The following MDGA2 variants were observed in gnomAD, a reference collection of about 807,000 sequenced individuals.
MDGA2 encodes MAM domain-containing glycosylphosphatidylinositol anchor protein 2.
A neutral mutation model predicts 117.8 loss-of-function variants in MDGA2; 40 were observed. The ratio of observed to expected loss-of-function variants is 0.34; its 90% CI spans 0.26 to 0.44. The LOEUF (loss-of-function observed/expected upper bound fraction) is 0.44. Ranked by LOEUF, MDGA2 falls within the 20% of genes least tolerant of loss-of-function variation. The pLI is 1.00. For synonymous variants in MDGA2, 452 were observed against 439.0 expected (o/e 1.03, Z -0.37); for missense variants, 1,123 against 1,250.6 (o/e 0.90, Z 1.54).
chr14:47,155,739 G>A (rs1883342195), intron 3 of MDGA2, among the ~76,000 whole-genome samples: 1 of 152,050 alleles, frequency 6.6e-6, no homozygotes, highest in South Asian at 2.1e-4. Context: ...AGGCCGAGAG[G>A]GCAAAACAAA....
At chr14:46,997,926 A>G (rs1001288661) in intron 8 of MDGA2, among the ~76,000 whole-genome samples, 2 of 152,192 alleles carry the variant, frequency 1.3e-5, no homozygotes, top group Non-Finnish European at 2.9e-5. Flanking sequence ...AAAATCATCA[A>G]CAATCAAAAC....
intron 3 of MDGA2, among the ~76,000 whole-genome samples, chr14:47,192,118 A>G (rs968066010): frequency 1.4e-4 from 22 of 152,230 alleles, no homozygotes; most frequent in African/African-American, 5.1e-4. Context: ...CAAGGCAACG[A>G]CAATTGCAGT....
intron 1 of MDGA2, among the ~76,000 whole-genome samples, chr14:47,670,535 A>G (rs948431009): frequency 1.3e-5 from 2 of 152,190 alleles, no homozygotes; most frequent in Admixed American, 1.3e-4. Context: ...CAAATGACTT[A>G]CTACCATACA....
rs571477255 is a variant in MDGA2 at position 46,952,168 on chromosome 14, A to G, written c.2089+5206T>C. Among the ~76,000 whole-genome samples, 5 of 152,054 alleles carry G rather than the reference A, an allele frequency of 3.3e-5. No homozygotes were observed. The East Asian group carries it at 9.7e-4, about 29-fold the overall frequency. On this transcript the variant is annotated intron_variant, in intron 9 of 16. Coordinates refer to ENST00000399232, the MANE Select transcript of MDGA2 (RefSeq NM_001113498.3). ...ATAAATGCAATTTAATCTTCTTAAA[A>G]TAAAATCTATACCCACAACATTAAT...
chr14:46,920,151 T>C lies in MDGA2; in HGVS notation c.2099A>G (p.Tyr700Cys), dbSNP rs763262386. The change falls in exon 10 of 17, where the codon TAT becomes TGT. Residue 700 changes from tyrosine to cysteine, a missense_variant. Physicochemically the swap from Tyr to Cys is radical, Grantham distance 194. This residue lies in a region of MDGA2 where 890 missense variants were observed against 1,050.3 expected (regional missense o/e 0.85). Coordinates refer to ENST00000399232, the MANE Select transcript of MDGA2 (RefSeq NM_001113498.3). ...RCSFLVTGKA[Y>C]APEFYYDTYN... ...GGTATCATAATAGAATTCTGGAGCA[T>C]AGGCCTTTCCTGAAAACAGAAAGTG... 6 of 1,607,356 alleles carry C rather than the reference T, an allele frequency of 3.7e-6. No homozygotes were observed. In the Admixed American group the frequency reaches 5.1e-5, roughly 14 times the overall value.
intron 2 of MDGA2, among the ~76,000 whole-genome samples, chr14:47,287,855 G>A (rs1888741568): frequency 6.6e-6 from 1 of 152,086 alleles, no homozygotes; most frequent in Non-Finnish European, 1.5e-5. Context: ...GTCGTTACAA[G>A]AAGAGGAAAA....
intron 5 of MDGA2, among the ~76,000 whole-genome samples, chr14:47,111,241 T>A (rs1881020690): frequency 6.6e-6 from 1 of 152,188 alleles, no homozygotes; most frequent in Admixed American, 6.5e-5. Flanking sequence ...TAGTGAAAAG[T>A]GAAGCTGGGA....
chr14:47,028,204 C>T (rs933480054), intron 8 of MDGA2, among the ~76,000 whole-genome samples: 2 of 152,012 alleles, frequency 1.3e-5, no homozygotes, highest in African/African-American at 4.8e-5. Context: ...CAGTCATCAC[C>T]AAAAACATCT....
rs567525561 is a variant in MDGA2 at position 47,312,699 on chromosome 14, T to G, written c.281-11149A>C. On this transcript the variant is annotated intron_variant, in intron 1 of 16. Transcript: ENST00000399232. The stretch of plus-strand genomic sequence containing the variant: ...TTAGTTTTTTTTTTGTTTTGTTTTG[T>G]TTTTTTTTTTTGTAGAGATAGGGTA... Among the ~76,000 whole-genome samples, 329 of 138,158 alleles carry G rather than the reference T, an allele frequency of 2.4e-3. 8 individuals are homozygous for G. Among genetic ancestry groups the G allele is most frequent in the African/African-American group, 8.6e-3 (306 of 35,730 alleles). The allele number at this position is 138,158 out of a possible 152,430, so 90.6% of individuals were successfully genotyped here.
chr14:47,002,495 A>C (rs2138494808), intron 8 of MDGA2, among the ~76,000 whole-genome samples: 1 of 152,218 alleles, frequency 6.6e-6, no homozygotes. Flanking sequence ...TGGGAGGCCA[A>C]GGTGGGTGGA....
At chr14:47,092,970 T>C (rs1879749947) in intron 6 of MDGA2, among the ~76,000 whole-genome samples, 2 of 152,084 alleles carry the variant, frequency 1.3e-5, no homozygotes, top group Admixed American at 6.6e-5. Flanking sequence ...AGAGAAACTT[T>C]CTAAGGGTCC....
At chr14:47,026,420 G>C (rs2138610051) in intron 8 of MDGA2, among the ~76,000 whole-genome samples, 1 of 151,962 alleles carries the variant, frequency 6.6e-6, no homozygotes, top group Non-Finnish European at 1.5e-5. Context: ...AAGACCAAAA[G>C]GCATGGGTCT....
At chr14:47,076,923 T>C (rs1460713266) in intron 6 of MDGA2, among the ~76,000 whole-genome samples, 5 of 152,156 alleles carry the variant, frequency 3.3e-5, no homozygotes, top group East Asian at 1.9e-4. Context: ...TATTTCCTTA[T>C]GTGAAAATCC....
chr14:47,413,346 T>A (rs2900006), intron 1 of MDGA2, among the ~76,000 whole-genome samples: 149,294 of 152,274 alleles, frequency 0.98, 73,249 homozygotes, highest in Non-Finnish European at 1. Flanking sequence ...AAGTCTCTAT[T>A]CTATGTCTCA....
intron 1 of MDGA2, among the ~76,000 whole-genome samples, chr14:47,403,970 T>A (rs533164604): frequency 6.6e-6 from 1 of 152,220 alleles, no homozygotes; most frequent in Non-Finnish European, 1.5e-5. Context: ...TGTCTCACCA[T>A]ACAGCTGCAC....
At chr14:46,876,544 T>A (rs1033728345) in intron 12 of MDGA2, among the ~76,000 whole-genome samples, 16 of 151,604 alleles carry the variant, frequency 1.1e-4, no homozygotes, top group African/African-American at 3.6e-4. Flanking sequence ...AATTTTCCAC[T>A]GGTTTTCTAA....
chr14:46,994,100 G>A (rs1434867726), intron 8 of MDGA2, among the ~76,000 whole-genome samples: 1 of 152,074 alleles, frequency 6.6e-6, no homozygotes, highest in Non-Finnish European at 1.5e-5. Flanking sequence ...GACCTTTAAA[G>A]AAATATCTGA....
chr14:47,630,680 A>C (rs1897238650), intron 1 of MDGA2, among the ~76,000 whole-genome samples: 1 of 152,230 alleles, frequency 6.6e-6, no homozygotes, highest in Admixed American at 6.5e-5. Flanking sequence ...TTATTATAAT[A>C]GTACAAAAGG....
chr14:47,416,455 T>C (rs1364867759), intron 1 of MDGA2, among the ~76,000 whole-genome samples: 1 of 152,076 alleles, frequency 6.6e-6, no homozygotes, highest in Non-Finnish European at 1.5e-5. Context: ...CCCACAGCCA[T>C]TTCTGAAGCT....
Sources: gnomAD v4.1 joint callset for allele counts (sites outside exome capture counted in the v4.1 genomes callset) on GRCh38, gnomAD v4.1.1 for gene constraint, gnomAD v4.1.1 regional missense constraint, MANE v1.5 for transcripts, NCBI Gene and HGNC (gene_info 2026-07-23, HGNC 2026-07-21) for gene names.